The following CEP350 variants were observed in gnomAD, a reference collection of about 807,000 sequenced individuals.
The protein encoded by CEP350 is centrosomal protein 350.
In CEP350, 126 loss-of-function variants were observed where a neutral mutation model predicts 331.8. The ratio of observed to expected loss-of-function variants is 0.38; its 90% CI spans 0.33 to 0.44. The LOEUF is 0.44. Ranked by LOEUF, CEP350 falls within the 20% of genes least tolerant of loss-of-function variation. The pLI is 1.00. For synonymous variants in CEP350, 1,200 were observed against 1,259.5 expected (o/e 0.95, Z 1.00); for missense variants, 3,406 against 3,634.6 (o/e 0.94, Z 1.62).
chr1:180,006,070 A>G (rs1189893636), intron 7 of CEP350, among the ~76,000 whole-genome samples: 1 of 152,176 alleles, frequency 6.6e-6, no homozygotes, highest in Non-Finnish European at 1.5e-5. Context: ...AGTATTTCGT[A>G]AAGTTTTTAT....
At chr1:180,011,466 A>G (rs986237094) in intron 8 of CEP350, among the ~76,000 whole-genome samples, 2 of 152,026 alleles carry the variant, frequency 1.3e-5, no homozygotes, top group Non-Finnish European at 2.9e-5. Flanking sequence ...TTTGAGATGG[A>G]GTCTTGCTCT....
At chr1:180,029,572 T>C (rs1198679670) in intron 14 of CEP350, among the ~76,000 whole-genome samples, 3 of 152,202 alleles carry the variant, frequency 2.0e-5, no homozygotes, top group East Asian at 1.9e-4. Flanking sequence ...TTCAGAACTT[T>C]CTCAGTTTCC....
chr1:180,076,543 C>A (rs992220038), intron 28 of CEP350, among the ~76,000 whole-genome samples: 1 of 152,148 alleles, frequency 6.6e-6, no homozygotes, highest in Non-Finnish European at 1.5e-5. Flanking sequence ...AATCCCAACA[C>A]TTTGGGAGGC....
At chr1:180,081,312 A>G (rs1310224656) in intron 30 of CEP350, among the ~76,000 whole-genome samples, 1 of 152,130 alleles carries the variant, frequency 6.6e-6, no homozygotes, top group Non-Finnish European at 1.5e-5. Context: ...ACAATTATAA[A>G]TCATGGAATT....
Position 179,996,988 on chromosome 1 carries a change from A to G in CEP350, c.831A>G (p.Gln277=), listed in dbSNP as rs780315620. The G allele has an allele frequency of 3.7e-6, 6 of 1,613,910 alleles. No homozygotes were observed. The highest frequency in any genetic ancestry group is 1.6e-4 in the Middle Eastern group (1 of 6,084). The change falls in exon 6 of 38, where the codon CAA becomes CAG. Residue 277 remains glutamine, a synonymous_variant. Transcript: ENST00000367607. ...GATTAGATATTCTAAAGCGGCGACA[A>G]CATGATGTCAAACTGGAAAAACTTA... The part of the protein sequence containing the change: ...SQRLDILKRR[Q]HDVKLEKLKE...
At chr1:179,970,345 T>A (rs1466796754) in intron 1 of CEP350, among the ~76,000 whole-genome samples, 2 of 152,330 alleles carry the variant, frequency 1.3e-5, no homozygotes, top group Middle Eastern at 6.8e-3. Flanking sequence ...ATTCTCAGAT[T>A]AGTGGTATAT....
rs1203665862 is a variant in CEP350 at position 180,092,968 on chromosome 1, T to C, written c.6863T>C (p.Val2288Ala). The C allele has an allele frequency of 6.3e-6, 10 of 1,598,986 alleles. No individual in the cohort carries two copies. Among genetic ancestry groups the C allele is most frequent in the Non-Finnish European group, 8.5e-6 (10 of 1,171,378 alleles). The change falls in exon 34 of 38, where the codon GTC becomes GCC. Residue 2288 changes from valine to alanine, a missense_variant. Around this residue, in one of 5 missense-constraint regions of CEP350, gnomAD observed 1,415 missense variants for 1,512.3 expected, o/e 0.94. Coordinates refer to ENST00000367607, the MANE Select transcript of CEP350 (RefSeq NM_014810.5). Reference sequence around the variant, plus strand: ...AAATCTGATGTCTTACTGAAATTAGTCCTAGAACAGGGAGATTCATCTGAA... The same window carrying C: ...AAATCTGATGTCTTACTGAAATTAGCCCTAGAACAGGGAGATTCATCTGAA... ...EGKSDVLLKL[V>A]LEQGDSSEIL...
intron 21 of CEP350, among the ~76,000 whole-genome samples, 157 bp from the exon 22 acceptor site, chr1:180,048,379 G>C (rs1345082689): frequency 7.2e-5 from 11 of 152,038 alleles, no homozygotes; most frequent in African/African-American, 2.7e-4. Flanking sequence ...TATATTCTCA[G>C]ACTTATGTTA....
intron 26 of CEP350, among the ~76,000 whole-genome samples, chr1:180,063,454 G>T (rs1658365649): frequency 6.6e-6 from 1 of 151,740 alleles, no homozygotes; most frequent in Admixed American, 6.6e-5. Flanking sequence ...CAGCCTCCCA[G>T]AGTGTTAGGA....
At position 180,111,273 on chromosome 1, in the gene CEP350, T is replaced by C. The variant is rs775799486; in HGVS notation, c.*112T>C. ...AGAGTGCTTCTGGACCTTGTACTTA[T>C]TCTTAAAGACTACCAGTATGGAGTT... On this transcript the variant is annotated 3_prime_UTR_variant, in exon 38 of 38. Coordinates refer to ENST00000367607, the MANE Select transcript of CEP350 (RefSeq NM_014810.5). 24 of 1,283,964 alleles carry C rather than the reference T, an allele frequency of 1.9e-5. No homozygotes were observed. Among genetic ancestry groups the C allele is most frequent in the Non-Finnish European group, 2.2e-5 (21 of 933,602 alleles). The allele number at this position is 1,283,964 out of a possible 1,614,324, so 79.5% of individuals were successfully genotyped here. A position where few individuals can be genotyped will look rare whatever the true frequency, so the allele number is the denominator to read the frequency against.
At chr1:180,000,921 T>G (rs1000225487) in intron 6 of CEP350, 5 of 152,222 alleles carry the variant, frequency 3.3e-5, no homozygotes, top group African/African-American at 1.2e-4. Flanking sequence ...TATATAGATA[T>G]AGATGTAATG....
At chr1:179,989,172 G>T (rs1443735526) in intron 3 of CEP350, among the ~76,000 whole-genome samples, 2 of 151,860 alleles carry the variant, frequency 1.3e-5, no homozygotes, top group African/African-American at 2.4e-5. Context: ...CTGAAGGAAG[G>T]CTGGGCGCAG....
intron 11 of CEP350, among the ~76,000 whole-genome samples, chr1:180,017,022 A>C (rs1315102311): frequency 6.6e-6 from 1 of 152,150 alleles, no homozygotes. Flanking sequence ...AAAATAGCTA[A>C]CATTTATTAA....
chr1:180,059,767 A>G (rs541077670), intron 25 of CEP350, among the ~76,000 whole-genome samples: 1 of 152,324 alleles, frequency 6.6e-6, no homozygotes, highest in Non-Finnish European at 1.5e-5. Context: ...AATAACTGAC[A>G]ATATATGTTG....
At chr1:180,035,031 G>A (rs1656259213) in intron 16 of CEP350, among the ~76,000 whole-genome samples, 1 of 152,122 alleles carries the variant, frequency 6.6e-6, no homozygotes, top group Non-Finnish European at 1.5e-5. Context: ...GGAAATGAAA[G>A]GTATCACATG....
At chr1:179,959,452 A>G (rs1465932336) in intron 1 of CEP350, among the ~76,000 whole-genome samples, 2 of 152,112 alleles carry the variant, frequency 1.3e-5, no homozygotes, top group South Asian at 2.1e-4. Context: ...ACTCCATCTC[A>G]AAACAAACAA....
chr1:179,975,034 A>G (rs1206015877), intron 1 of CEP350, among the ~76,000 whole-genome samples: 1 of 152,134 alleles, frequency 6.6e-6, no homozygotes, highest in Non-Finnish European at 1.5e-5. Context: ...AGAGAATACT[A>G]TAGGAAACAG....
At chr1:179,962,557 A>AT (rs1650713303) in intron 1 of CEP350, among the ~76,000 whole-genome samples, 1 of 151,936 alleles carries the variant, frequency 6.6e-6, no homozygotes, top group Admixed American at 6.6e-5. Context: ...TTACAGGCAC[A>AT]TGCCACCATG....
intron 21 of CEP350, among the ~76,000 whole-genome samples, chr1:180,047,752 C>A (rs1275702507): frequency 1.2e-5 from 1 of 86,580 alleles, no homozygotes; most frequent in Non-Finnish European, 2.3e-5. Flanking sequence ...CAGAATGAAA[C>A]TCCTCAAAAA....
Sources: allele counts gnomAD v4.1 joint callset (sites outside exome capture counted in the v4.1 genomes callset), GRCh38; gene constraint gnomAD v4.1.1; regional missense constraint gnomAD v4.1.1; transcripts MANE v1.5; gene names NCBI Gene and HGNC (gene_info 2026-07-23, HGNC 2026-07-21).